Variants in NELL1 observed in about 807,000 individuals in gnomAD.
NELL1 encodes the protein protein kinase C-binding protein NELL1.
Under a neutral mutation model 107.4 loss-of-function variants are expected in NELL1, and 76 were observed. The observed-to-expected ratio is 0.71, with a 90% CI of 0.59 to 0.86. The LOEUF (loss-of-function observed/expected upper bound fraction) is 0.86. NELL1 is among the 40% of genes least tolerant of loss of function. The pLI is 0.00. For synonymous variants in NELL1, 353 were observed against 341.2 expected (o/e 1.03, Z -0.38); for missense variants, 1,024 against 1,005.5 (o/e 1.02, Z -0.25).
At chr11:20,970,053 GTCCATCCATCCATCCATCCA>G (rs3046320) in intron 12 of NELL1, among the ~76,000 whole-genome samples, 1 of 125,968 alleles carries the variant, frequency 7.9e-6, no homozygotes, top group Non-Finnish European at 1.6e-5. Flanking sequence ...CTATCTCTCT[GTCCATCCATCCATCCATCCA>G]TCCATCCATC....
chr11:20,858,564 C>G lies in NELL1; in HGVS notation c.506+10811C>G, dbSNP rs568692748. ...GTAGGACCAGGCCATATGGCTGGAT[C>G]TGTGACAGGAAGGATGACCTTCTCC... is the stretch of plus-strand genomic sequence containing the variant. On this transcript the variant is annotated intron_variant, in intron 4 of 19. Coordinates refer to ENST00000357134, the MANE Select transcript of NELL1 (RefSeq NM_006157.5). Among the ~76,000 whole-genome samples, 12 of 152,278 alleles carry G rather than the reference C, an allele frequency of 7.9e-5. No homozygotes were observed. In the East Asian group the frequency reaches 2.1e-3, roughly 27 times the overall value.
chr11:21,489,410 A>AAAAAAAAAAAAAAAAAAG (rs1854740336), intron 15 of NELL1, among the ~76,000 whole-genome samples: 1 of 128,804 alleles, frequency 7.8e-6, no homozygotes, highest in Non-Finnish European at 1.7e-5. Context: ...AAAAAAAAAC[A>AAAAAAAAAAAAAAAAAAG]GAAGAAAAGG....
At chr11:20,849,184 G>C (rs1281782097) in intron 4 of NELL1, among the ~76,000 whole-genome samples, 1 of 152,162 alleles carries the variant, frequency 6.6e-6, no homozygotes, top group East Asian at 1.9e-4. Context: ...GAAGAGCCCT[G>C]CTTGTCCTTC....
chr11:20,838,628 A>T (rs1040948029), intron 3 of NELL1, among the ~76,000 whole-genome samples: 5 of 152,096 alleles, frequency 3.3e-5, no homozygotes, highest in Admixed American at 3.3e-4. Context: ...GAAATTTTTC[A>T]CTGAGTACCT....
intron 13 of NELL1, among the ~76,000 whole-genome samples, chr11:21,164,261 C>T (rs909771878): frequency 8.5e-5 from 13 of 152,172 alleles, no homozygotes; most frequent in African/African-American, 2.7e-4. Flanking sequence ...ATTGTTTTCT[C>T]TGCACCCTCT....
rs115681203 is a variant in NELL1, at chr11:21,224,056, T to A, written c.1427-5276T>A. Among the ~76,000 whole-genome samples, 1,407 of 152,284 alleles carry A rather than the reference T, an allele frequency of 9.2e-3. 20 individuals carry two copies. The highest frequency in any genetic ancestry group is 0.032 in the African/African-American group (1,340 of 41,556). The stretch of plus-strand genomic sequence containing the variant: ...GTTAGTCTGATGGCATATCCTTATA[T>A]GTGATTTGATGTTTTCCTCTCAGTT... On this transcript the variant is annotated intron_variant, in intron 13 of 19. Transcript: ENST00000357134.
intron 13 of NELL1, among the ~76,000 whole-genome samples, chr11:21,161,250 A>G (rs1856361828): frequency 6.6e-6 from 1 of 152,086 alleles, no homozygotes; most frequent in South Asian, 2.1e-4. Context: ...TAGAACTGCC[A>G]TCATCAGCTG....
intron 13 of NELL1, among the ~76,000 whole-genome samples, chr11:21,211,235 G>A (rs903753000): frequency 6.6e-6 from 1 of 152,108 alleles, no homozygotes; most frequent in African/African-American, 2.4e-5. Context: ...TCTCTGAGAA[G>A]GTGAAGACAT....
At chr11:20,927,567 A>G in intron 8 of NELL1, 125 bp downstream of exon 8, 1 of 858,464 alleles carries the variant, frequency 1.2e-6, no homozygotes, top group Admixed American at 3.3e-5. Context: ...TTTACCTAGC[A>G]CCCACTAGCC....
At chr11:20,680,436 C>T (rs1854162160) in intron 2 of NELL1, among the ~76,000 whole-genome samples, 1 of 152,014 alleles carries the variant, frequency 6.6e-6, no homozygotes, top group Admixed American at 6.6e-5. Flanking sequence ...TAATCTAAAT[C>T]AGATATGGGT....
intron 2 of NELL1, among the ~76,000 whole-genome samples, chr11:20,691,821 C>A (rs537716969): frequency 6.6e-6 from 1 of 152,182 alleles, no homozygotes; most frequent in South Asian, 2.1e-4. Flanking sequence ...GGAGGATTCC[C>A]TCTTTTTCTA....
intron 15 of NELL1, among the ~76,000 whole-genome samples, chr11:21,379,602 A>G (rs977629044): frequency 2.6e-5 from 4 of 152,128 alleles, no homozygotes; most frequent in African/African-American, 9.7e-5. Flanking sequence ...TATGTTTGTA[A>G]TAACAAATGA....
intron 14 of NELL1, among the ~76,000 whole-genome samples, chr11:21,233,964 A>G (rs975031239): frequency 2.0e-5 from 3 of 152,238 alleles, no homozygotes; most frequent in Non-Finnish European, 4.4e-5. Flanking sequence ...AATAAATAAG[A>G]CAAGTCCCCA....
At chr11:21,190,643 A>G (rs989925185) in intron 13 of NELL1, among the ~76,000 whole-genome samples, 1 of 151,842 alleles carries the variant, frequency 6.6e-6, no homozygotes, top group Admixed American at 6.6e-5. Flanking sequence ...AAGTGATCAG[A>G]TATTCTGACA....
At chr11:21,486,494 C>A (rs1297381940) in intron 15 of NELL1, among the ~76,000 whole-genome samples, 2 of 152,042 alleles carry the variant, frequency 1.3e-5, no homozygotes, top group African/African-American at 4.8e-5. Context: ...CCTATGAAAG[C>A]AAGTTCAAAA....
chr11:21,459,213 G>C (rs1853832157), intron 15 of NELL1, among the ~76,000 whole-genome samples: 1 of 151,854 alleles, frequency 6.6e-6, no homozygotes, highest in Admixed American at 6.6e-5. Flanking sequence ...TTGGTTTAAT[G>C]GTACTGAGGG....
chr11:21,425,158 T>C (rs1279256525), intron 15 of NELL1, among the ~76,000 whole-genome samples: 1 of 152,156 alleles, frequency 6.6e-6, no homozygotes, highest in Non-Finnish European at 1.5e-5. Context: ...GCAAACTCAA[T>C]GACTCAATAA....
chr11:21,307,733 T>C (rs189679773), intron 14 of NELL1, among the ~76,000 whole-genome samples: 1 of 152,122 alleles, frequency 6.6e-6, no homozygotes, highest in African/African-American at 2.4e-5. Context: ...AGCTTTATTC[T>C]AAGATAACAG....
chr11:21,249,799 C>T (rs955571606), intron 14 of NELL1, among the ~76,000 whole-genome samples: 3 of 152,092 alleles, frequency 2.0e-5, no homozygotes, highest in African/African-American at 7.2e-5. Flanking sequence ...CAATTTTAAT[C>T]ATAATGTGTG....
Sources: allele counts gnomAD v4.1 joint callset (sites outside exome capture counted in the v4.1 genomes callset), GRCh38; gene constraint gnomAD v4.1.1; transcripts MANE v1.5; gene names NCBI Gene and HGNC (gene_info 2026-07-23, HGNC 2026-07-21).